The following FAS variants were observed in gnomAD, a reference collection of about 807,000 sequenced individuals.
FAS encodes the protein tumor necrosis factor receptor superfamily member 6.
Under a neutral mutation model 33.2 loss-of-function variants are expected in FAS, and 5 were observed. That is an observed-to-expected ratio of 0.15 (90% CI 0.08 to 0.32). The LOEUF is 0.32. Ranked by LOEUF, FAS falls within the 10% of genes least tolerant of loss-of-function variation. The probability of loss-of-function intolerance (pLI) is 1.00; values close to 1 mark genes in which losing one functional copy is unlikely to be tolerated. For synonymous variants in FAS, 131 were observed against 130.7 expected, an observed-to-expected ratio of 1.00 and a Z score of -0.01; for missense variants, 339 against 386.0, an observed-to-expected ratio of 0.88 and a Z score of 1.02.
rs1383194729 is a variant in FAS, at chr10:89,010,527, T to G, written c.444-12T>G. On this transcript the variant is annotated splice_polypyrimidine_tract_variant and intron_variant, in intron 4 of 8. Coordinates refer to ENST00000652046, the MANE Select transcript of FAS (RefSeq NM_000043.6). ...CCAGGCTTTTGAATTTCTCCTGTATTTTTTTTTCTAGATGTGAACATGGAA... is the reference window on the plus strand; with the variant it reads ...CCAGGCTTTTGAATTTCTCCTGTATGTTTTTTTCTAGATGTGAACATGGAA... The G allele has an allele frequency of 1.9e-6, 3 of 1,611,098 alleles. No homozygotes were observed. The highest frequency in any genetic ancestry group is 2.5e-6 in the Non-Finnish European group (3 of 1,177,608).
At chr10:89,009,310 T>A (rs1242346150) in intron 4 of FAS, among the ~76,000 whole-genome samples, 1 of 152,236 alleles carries the variant, frequency 6.6e-6, no homozygotes, top group Non-Finnish European at 1.5e-5. Context: ...CAGAAGAGAC[T>A]TATGTTCCAG....
At chr10:89,010,671 A>C in intron 5 of FAS, 71 bp downstream of exon 5, 1 of 1,604,590 alleles carries the variant, frequency 6.2e-7, no homozygotes. Context: ...AAAACCAATC[A>C]CTCTTGATTA....
At chr10:88,993,974 A>T (rs1021453369) in intron 1 of FAS, among the ~76,000 whole-genome samples, 4 of 152,204 alleles carry the variant, frequency 2.6e-5, no homozygotes, top group Admixed American at 1.3e-4. Flanking sequence ...AAATGGCAGC[A>T]CCCCCACTAC....
intron 8 of FAS, among the ~76,000 whole-genome samples, chr10:89,013,692 A>G (rs548523924): frequency 5.3e-5 from 8 of 152,358 alleles, no homozygotes; most frequent in African/African-American, 1.9e-4. Context: ...CTCAGGTATT[A>G]TCAGTGTACC....
intron 1 of FAS, among the ~76,000 whole-genome samples, chr10:88,998,861 CA>C (rs949909013): frequency 4.0e-5 from 6 of 151,392 alleles, no homozygotes; most frequent in African/African-American, 7.3e-5. Flanking sequence ...CTCCCCTTTA[CA>C]AAAAAAAATT....
chr10:89,013,400 G>A (rs1848628599), intron 8 of FAS, 33 bp downstream of exon 8: 4 of 1,606,240 alleles, frequency 2.5e-6, no homozygotes, highest in Non-Finnish European at 3.4e-6. Context: ...TCATAGAGAT[G>A]GCATCCTTTA....
intron 2 of FAS, among the ~76,000 whole-genome samples, chr10:89,006,209 A>G (rs1848221183): frequency 6.6e-6 from 1 of 152,228 alleles, no homozygotes; most frequent in African/African-American, 2.4e-5. Context: ...CCAGTATAAT[A>G]CCACTAGCAA....
chr10:89,002,665 T>A, intron 1 of FAS: 1 of 310,890 alleles, frequency 3.2e-6, no homozygotes, highest in Non-Finnish European at 6.3e-6. Context: ...CCACGTATTT[T>A]CACAACAAGC....
intron 2 of FAS, among the ~76,000 whole-genome samples, chr10:88,980,097 A>G (rs1046030316): frequency 4.6e-5 from 7 of 152,216 alleles, no homozygotes; most frequent in African/African-American, 1.4e-4. Flanking sequence ...TTAATTTTTA[A>G]GTTTTGTTCA....
At chr10:89,009,244 CACAG>C (rs1161019310) in intron 4 of FAS, among the ~76,000 whole-genome samples, 1 of 152,182 alleles carries the variant, frequency 6.6e-6, no homozygotes, top group Admixed American at 6.5e-5. Context: ...AGTCCAGAAG[CACAG>C]ACAGTCAAGG....
At chr10:88,981,649 C>T (rs1381457767) in intron 2 of FAS, among the ~76,000 whole-genome samples, 2 of 152,098 alleles carry the variant, frequency 1.3e-5, no homozygotes, top group Admixed American at 6.5e-5. Flanking sequence ...GAGTGGGAGA[C>T]GCATCATATC....
chr10:88,997,704 C>T (rs983515117), intron 1 of FAS, among the ~76,000 whole-genome samples: 1 of 152,110 alleles, frequency 6.6e-6, no homozygotes, highest in Admixed American at 6.6e-5. Context: ...AAATTTTAAA[C>T]TATTCAATAA....
chr10:88,975,511 C>G (rs1846542180), intron 2 of FAS, among the ~76,000 whole-genome samples: 1 of 152,176 alleles, frequency 6.6e-6, no homozygotes, highest in Admixed American at 6.5e-5. Context: ...TCAGGTGGAA[C>G]AGTAGAGATG....
chr10:89,011,164 A>G (rs541971132), intron 6 of FAS, among the ~76,000 whole-genome samples: 2 of 152,350 alleles, frequency 1.3e-5, no homozygotes, highest in East Asian at 3.9e-4. Context: ...CATTCCCAGG[A>G]AACACATTGC....
At chr10:89,014,031 G>A in intron 8 of FAS, 88 bp from the exon 9 acceptor site, 5 of 1,339,786 alleles carry the variant, frequency 3.7e-6, no homozygotes, top group Non-Finnish European at 5.2e-6. Context: ...ATATTCTGAA[G>A]TACTATAAAA....
At chr10:88,991,703 T>C (rs1847233380) in intron 1 of FAS, 1 of 152,564 alleles carries the variant, frequency 6.6e-6, no homozygotes, top group Non-Finnish European at 1.5e-5. Flanking sequence ...TTTCTTAGCT[T>C]GCACTCCCAT....
intron 2 of FAS, among the ~76,000 whole-genome samples, chr10:88,978,915 T>C (rs562041166): frequency 2.6e-5 from 4 of 151,460 alleles, no homozygotes; most frequent in African/African-American, 9.7e-5. Flanking sequence ...ATTATTATTA[T>C]TAATAGGAAC....
At chr10:88,999,158 A>G (rs1847779414) in intron 1 of FAS, among the ~76,000 whole-genome samples, 1 of 116,282 alleles carries the variant, frequency 8.6e-6, no homozygotes, top group Non-Finnish European at 2.0e-5. Context: ...GTCTCAAAAA[A>G]ATAAATAAAT....
chr10:88,988,416 GT>G (rs748275082), upstream of FAS, among the ~76,000 whole-genome samples: 2 of 12,482 alleles, frequency 1.6e-4, no homozygotes, highest in Non-Finnish European at 2.5e-4. Context: ...AGATGTAGAA[GT>G]TTTTTTTTTT....
Sources: gnomAD v4.1 joint callset for allele counts (sites outside exome capture counted in the v4.1 genomes callset) on GRCh38, gnomAD v4.1.1 for gene constraint, MANE v1.5 for transcripts, NCBI Gene and HGNC (gene_info 2026-07-23, HGNC 2026-07-21) for gene names.